The following CYTH3 variants were observed in gnomAD, a reference collection of about 807,000 sequenced individuals.
CYTH3 encodes cytohesin-3.
A neutral mutation model predicts 55.1 loss-of-function variants in CYTH3; 23 were observed. The ratio of observed to expected loss-of-function variants is 0.42; its 90% CI spans 0.30 to 0.59. The LOEUF is 0.59. Among genes scored for constraint, CYTH3 ranks in the 20% least tolerant of loss-of-function variants. CYTH3 has a pLI of 0.20. For missense variants in CYTH3, 413 were observed against 524.8 expected, an observed-to-expected ratio of 0.79 and a Z score of 2.08; for synonymous variants, 249 against 194.9, an observed-to-expected ratio of 1.28 and a Z score of -2.31.
intron 1 of CYTH3, 25 bp downstream of exon 1, chr7:6,272,449 A>G: frequency 1.6e-6 from 2 of 1,278,462 alleles, no homozygotes; most frequent in East Asian, 3.9e-5. Flanking sequence ...GCCGCCGGCG[A>G]GCCCACCACA....
intron 1 of CYTH3, among the ~76,000 whole-genome samples, chr7:6,236,499 T>A (rs1779528462): frequency 6.6e-6 from 1 of 151,954 alleles, no homozygotes; most frequent in South Asian, 2.1e-4. Flanking sequence ...TATAAGCCAC[T>A]GCGCCTGGCC....
At chr7:6,255,027 C>T (rs1780062749) in intron 1 of CYTH3, among the ~76,000 whole-genome samples, 1 of 152,218 alleles carries the variant, frequency 6.6e-6, no homozygotes, top group Non-Finnish European at 1.5e-5. Flanking sequence ...TATGTAAAGA[C>T]AGGCAGGCCA....
At chr7:6,219,391 T>C (rs537514885) in intron 1 of CYTH3, among the ~76,000 whole-genome samples, 27 of 152,360 alleles carry the variant, frequency 1.8e-4, no homozygotes, top group African/African-American at 6.0e-4. Context: ...GAACCAGGGC[T>C]TAATTTGGGA....
At chr7:6,216,934 A>C (rs1215506704) in intron 1 of CYTH3, among the ~76,000 whole-genome samples, 1 of 148,830 alleles carries the variant, frequency 6.7e-6, no homozygotes, top group African/African-American at 2.5e-5. Context: ...TTTTGGTGTG[A>C]CTGAGTCTCA....
chr7:6,177,234 C>A (rs535611939), intron 5 of CYTH3, among the ~76,000 whole-genome samples: 2 of 152,238 alleles, frequency 1.3e-5, no homozygotes, highest in East Asian at 3.9e-4. Flanking sequence ...TTTAAAAAAG[C>A]TAAAAACCAA....
At position 6,164,878 on chromosome 7, in the gene CYTH3, A is replaced by T; in HGVS notation, c.*66T>A. On this transcript the variant is annotated 3_prime_UTR_variant, in exon 13 of 13. Transcript: ENST00000350796. Reference sequence around the variant, plus strand: ...TGCCTCCCTGCCACGCCTTCCGCGGAGGGGCCGCCCGCGGTGTCTTTCTGC... The same window carrying T: ...TGCCTCCCTGCCACGCCTTCCGCGGTGGGGCCGCCCGCGGTGTCTTTCTGC... 2 of 1,570,820 alleles carry T rather than the reference A, an allele frequency of 1.3e-6. No individual in the cohort carries two copies. The highest frequency in any genetic ancestry group is 1.8e-6 in the Non-Finnish European group (2 of 1,141,352).
chr7:6,214,134 T>C (rs1784379188), intron 1 of CYTH3, among the ~76,000 whole-genome samples: 1 of 151,988 alleles, frequency 6.6e-6, no homozygotes, highest in South Asian at 2.1e-4. Context: ...AGCTCTGAAA[T>C]GTCTAAAAAG....
At chr7:6,188,339 T>TA (rs1252563421) in intron 2 of CYTH3, among the ~76,000 whole-genome samples, 78 of 139,120 alleles carry the variant, frequency 5.6e-4, no homozygotes, top group African/African-American at 1.4e-3. Context: ...TCTCTTTTTT[T>TA]AAAAAAAACA....
intron 4 of CYTH3, among the ~76,000 whole-genome samples, chr7:6,181,479 C>G (rs1259519820): frequency 6.6e-6 from 1 of 152,136 alleles, no homozygotes; most frequent in African/African-American, 2.4e-5. Context: ...GCATCCCTGA[C>G]AAGCTTGCTG....
At chr7:6,203,543 C>T (rs932584840) in intron 1 of CYTH3, among the ~76,000 whole-genome samples, 28 of 152,016 alleles carry the variant, frequency 1.8e-4, no homozygotes, top group Admixed American at 1.6e-3. Flanking sequence ...GAAAAAAATC[C>T]GGGAGACAAT....
In CYTH3 at chr7:6,190,222, G is replaced by A. The variant is rs539064602; in HGVS notation, c.117+227C>T. ...TTCTACGATGTCTTGATTTCTACCC[G>A]GGGTCTCACTGCCTGTGTGGAGTCT... On this transcript the variant is annotated intron_variant, in intron 2 of 12. Transcript: ENST00000350796. 8.0e-4 allele frequency among the ~76,000 whole-genome samples: 121 copies of A among 152,110 alleles called. No individual in the cohort carries two copies. In the South Asian group the frequency reaches 0.023, roughly 29 times the overall value.
intron 5 of CYTH3, among the ~76,000 whole-genome samples, chr7:6,176,489 C>T (rs972786065): frequency 6.6e-6 from 1 of 152,026 alleles, no homozygotes; most frequent in Non-Finnish European, 1.5e-5. Context: ...TCTCGATCTC[C>T]TGACCTTGTG....
chr7:6,194,724 C>T (rs557991889), intron 1 of CYTH3, among the ~76,000 whole-genome samples: 1 of 152,280 alleles, frequency 6.6e-6, no homozygotes, highest in African/African-American at 2.4e-5. Flanking sequence ...CGCCTGTAAT[C>T]CCAGCACTTT....
At chr7:6,272,411 A>AACCC in intron 1 of CYTH3, 63 bp downstream of exon 1, 2 of 434,098 alleles carry the variant, frequency 4.6e-6, no homozygotes, top group Admixed American at 3.8e-5. Flanking sequence ...CGCGCCCTCG[A>AACCC]CCCCCAGCCC....
At chr7:6,198,414 T>G (rs547242809) in intron 1 of CYTH3, among the ~76,000 whole-genome samples, 2 of 152,354 alleles carry the variant, frequency 1.3e-5, no homozygotes, top group South Asian at 4.1e-4. Flanking sequence ...AAAATAACTT[T>G]GCAGTCACAG....
At chr7:6,166,100 A>AT (rs1359156180) in intron 9 of CYTH3, among the ~76,000 whole-genome samples, 1 of 152,120 alleles carries the variant, frequency 6.6e-6, no homozygotes, top group African/African-American at 2.4e-5. Flanking sequence ...CCCACATGAG[A>AT]TGGCAGTGTG....
At chr7:6,196,501 C>A in intron 1 of CYTH3, among the ~76,000 whole-genome samples, 1 of 143,324 alleles carries the variant, frequency 7.0e-6, no homozygotes, top group Non-Finnish European at 1.5e-5. Flanking sequence ...TTTTTGTTGC[C>A]CAGGCTGGAG....
At chr7:6,187,324 A>G (rs139103175) in intron 3 of CYTH3, among the ~76,000 whole-genome samples, 39 of 152,356 alleles carry the variant, frequency 2.6e-4, no homozygotes, top group African/African-American at 9.1e-4. Context: ...ACACTTCAGA[A>G]AAAGCTAATG....
intron 2 of CYTH3, 110 bp from the exon 3 acceptor site, chr7:6,187,831 C>T: frequency 1.2e-6 from 1 of 868,046 alleles, no homozygotes. Flanking sequence ...CTCACCGGAG[C>T]ATCACAGGGA....
Sources: allele counts gnomAD v4.1 joint callset (sites outside exome capture counted in the v4.1 genomes callset), GRCh38; gene constraint gnomAD v4.1.1; transcripts MANE v1.5; gene names NCBI Gene and HGNC (gene_info 2026-07-23, HGNC 2026-07-21).